The following FNTA variants were observed in gnomAD, a reference collection of about 807,000 sequenced individuals.
The protein encoded by FNTA is farnesyltransferase, CAAX box, subunit alpha.
FNTA carries 27 observed loss-of-function variants against 55.2 expected under a neutral mutation model. The observed-to-expected ratio is 0.49, with a 90% CI of 0.36 to 0.67. The LOEUF is 0.67. Ranked by LOEUF, FNTA falls within the 30% of genes least tolerant of loss-of-function variation. The pLI is 0.00. For missense variants in FNTA, 422 were observed against 464.7 expected (o/e 0.91, Z 0.85); for synonymous variants, 176 against 170.7 (o/e 1.03, Z -0.24).
chr8:43,076,071 C>A (rs1436149558), intron 5 of FNTA, among the ~76,000 whole-genome samples: 1 of 151,536 alleles, frequency 6.6e-6, no homozygotes, highest in Non-Finnish European at 1.5e-5. Context: ...GGAGACAGAG[C>A]CTTGCTCTGT....
At chr8:43,069,132 G>C (rs1242462089) in intron 3 of FNTA, among the ~76,000 whole-genome samples, 1 of 151,042 alleles carries the variant, frequency 6.6e-6, no homozygotes, top group Admixed American at 6.6e-5. Flanking sequence ...TTTGGGTGGG[G>C]GTGGATGGAG....
intron 6 of FNTA, chr8:43,078,341 T>TG (rs1451685138): frequency 6.6e-6 from 1 of 151,780 alleles, no homozygotes; most frequent in Admixed American, 6.6e-5. Flanking sequence ...GTTTTTTTTT[T>TG]TTGTTTGTTT....
At chr8:43,063,398 T>C (rs1810581937) in intron 2 of FNTA, 6 of 435,518 alleles carry the variant, frequency 1.4e-5, no homozygotes, top group East Asian at 1.4e-4. Context: ...CTTGCACACA[T>C]ATGGGAGTAT....
chr8:43,062,679 G>A (rs1002450513), intron 2 of FNTA, among the ~76,000 whole-genome samples: 5 of 152,202 alleles, frequency 3.3e-5, no homozygotes, highest in African/African-American at 1.2e-4. Flanking sequence ...GATACTTTCA[G>A]TGTTACAGGC....
At chr8:43,082,096 T>C (rs559564313) in intron 6 of FNTA, 2 of 152,178 alleles carry the variant, frequency 1.3e-5, no homozygotes, top group Non-Finnish European at 2.9e-5. Flanking sequence ...AAAAAAATTA[T>C]AGTAACAGCA....
rs1257732293 is a variant in FNTA at position 43,057,755 on chromosome 8, C to T, written c.200+1209C>T. On this transcript the variant is annotated intron_variant, in intron 1 of 8. Coordinates refer to ENST00000302279, the MANE Select transcript of FNTA (RefSeq NM_002027.3). ...GGCGGATCACCTGAGGTCAGGAGTTCCAGACTAACCTGGCCAACATGGTGA... is the reference window on the plus strand; with the variant it reads ...GGCGGATCACCTGAGGTCAGGAGTTTCAGACTAACCTGGCCAACATGGTGA... Among the ~76,000 whole-genome samples, 5 of 151,888 alleles carry T rather than the reference C, an allele frequency of 3.3e-5. No homozygotes were observed. In the East Asian group the frequency reaches 9.7e-4, roughly 29 times the overall value.
In FNTA at chr8:43,084,482, A is replaced by G. The variant is rs927914293; in HGVS notation, c.846-228A>G. 8.0e-6 allele frequency: 3 copies of G among 373,184 alleles called. No homozygotes were observed. The East Asian group carries it at 1.6e-4, about 20-fold the overall frequency. 23.1% of individuals were successfully genotyped at this position (373,184 alleles called of 1,614,324 possible). A position where few individuals can be genotyped will look rare whatever the true frequency, so the allele number is the denominator to read the frequency against. ...AGTGTTCCTCCTGCCTCTGTTTCCC[A>G]GAGTGTTTCCCAGGCATGAGCCACT... On this transcript the variant is annotated intron_variant, in intron 7 of 8. Coordinates refer to ENST00000302279, the MANE Select transcript of FNTA (RefSeq NM_002027.3).
intron 5 of FNTA, among the ~76,000 whole-genome samples, chr8:43,073,952 G>A (rs1192002225): frequency 1.3e-5 from 2 of 152,252 alleles, no homozygotes; most frequent in Non-Finnish European, 1.5e-5. Context: ...AATGAATTCA[G>A]CATACTCTTT....
chr8:43,071,232 T>A (rs1235673135), intron 4 of FNTA, among the ~76,000 whole-genome samples: 1 of 152,224 alleles, frequency 6.6e-6, no homozygotes, highest in South Asian at 2.1e-4. Context: ...TATAATTCAG[T>A]GTTTTTTAGT....
intron 3 of FNTA, among the ~76,000 whole-genome samples, chr8:43,068,807 G>A (rs1201072614): frequency 2.0e-5 from 3 of 152,126 alleles, no homozygotes; most frequent in East Asian, 1.9e-4. Flanking sequence ...CTGCCTCCTC[G>A]GTTCAAGTGA....
At chr8:43,069,689 G>A (rs1234397241) in intron 4 of FNTA, 30 bp downstream of exon 4, 6 of 1,407,040 alleles carry the variant, frequency 4.3e-6, no homozygotes, top group Non-Finnish European at 6.0e-6. Flanking sequence ...GTGTCTCCCA[G>A]GCTGGAGTGC....
intron 6 of FNTA, 150 bp downstream of exon 6, chr8:43,077,514 C>A: frequency 2.2e-6 from 1 of 445,058 alleles, no homozygotes; most frequent in Non-Finnish European, 3.9e-6. Flanking sequence ...GATAGATTTA[C>A]AAATAATGTA....
At chr8:43,078,749 A>G (rs1268771289) in intron 6 of FNTA, 3 of 152,252 alleles carry the variant, frequency 2.0e-5, no homozygotes, top group Non-Finnish European at 2.9e-5. Context: ...ACTTTAAATC[A>G]AAAGCCAGAA....
At chr8:43,067,224 T>G (rs1392335340) in intron 3 of FNTA, among the ~76,000 whole-genome samples, 1 of 152,204 alleles carries the variant, frequency 6.6e-6, no homozygotes, top group Non-Finnish European at 1.5e-5. Flanking sequence ...CCAAGGACTC[T>G]TTATATAGAC....
Position 43,074,408 on chromosome 8 carries a change from G to A in FNTA, c.633+2101G>A, listed in dbSNP as rs558510351. 3.3e-5 allele frequency among the ~76,000 whole-genome samples: 5 copies of A among 152,182 alleles called. No individual in the cohort carries two copies. In the South Asian group the frequency reaches 1.0e-3, roughly 32 times the overall value. ...AGCGTAGTGGCGCATGCTTGTGTTCGCAGCTACTCAGGAGGCTGAGGCAGG... is the reference window on the plus strand; with the variant it reads ...AGCGTAGTGGCGCATGCTTGTGTTCACAGCTACTCAGGAGGCTGAGGCAGG... On this transcript the variant is annotated intron_variant, in intron 5 of 8. Coordinates refer to ENST00000302279, the MANE Select transcript of FNTA (RefSeq NM_002027.3).
chr8:43,069,640 C>G lies in FNTA; in HGVS notation c.487C>G (p.Pro163Ala). The G allele has an allele frequency of 6.2e-7, 1 of 1,611,196 alleles. No individual in the cohort carries two copies. Among genetic ancestry groups the G allele is most frequent in the Non-Finnish European group, 8.5e-7 (1 of 1,177,658 alleles). ...NYITAIIEEQ[P>A]KNYQVWHHRR... Reference sequence around the variant, plus strand: ...CATCACTGCAATAATTGAGGAGCAGCCCAAAAACTATCAAGTTTGGTAAGT... The same window carrying G: ...CATCACTGCAATAATTGAGGAGCAGGCCAAAAACTATCAAGTTTGGTAAGT... Residue 163 changes from proline to alanine, a missense_variant, in exon 4 of 9, where the codon CCC becomes GCC. By Grantham distance (27) the Pro-to-Ala change is conservative. Coordinates refer to ENST00000302279, the MANE Select transcript of FNTA (RefSeq NM_002027.3).
chr8:43,065,239 CTTTT>C (rs879371507), intron 3 of FNTA, among the ~76,000 whole-genome samples: 1 of 145,944 alleles, frequency 6.9e-6, no homozygotes, highest in Non-Finnish European at 1.5e-5. Flanking sequence ...TGCTGACACA[CTTTT>C]TTTTTTTTGT....
intron 6 of FNTA, chr8:43,079,510 G>T: frequency 1.6e-5 from 1 of 61,974 alleles, no homozygotes; most frequent in South Asian, 3.6e-4. Flanking sequence ...AGCCCTCTTT[G>T]AGGTCTGTTG....
intron 3 of FNTA, among the ~76,000 whole-genome samples, chr8:43,069,109 G>A (rs1424386298): frequency 6.6e-6 from 1 of 151,802 alleles, no homozygotes; most frequent in Non-Finnish European, 1.5e-5. Flanking sequence ...GAGTACCTAT[G>A]TATAATTTTT....
Sources: allele counts gnomAD v4.1 joint callset (sites outside exome capture counted in the v4.1 genomes callset), GRCh38; gene constraint gnomAD v4.1.1; transcripts MANE v1.5; gene names NCBI Gene and HGNC (gene_info 2026-07-23, HGNC 2026-07-21).